ARID1B: variants seen among roughly 807,000 people sequenced by gnomAD.
ARID1B encodes the protein AT-rich interactive domain-containing protein 1B.
ARID1B carries 30 observed loss-of-function variants against 212.3 expected under a neutral mutation model. The observed-to-expected ratio is 0.14, with a 90% CI of 0.11 to 0.19. ARID1B has a LOEUF of 0.19. Among genes scored for constraint, ARID1B ranks in the 10% least tolerant of loss-of-function variants. The probability of loss-of-function intolerance (pLI) is 1.00; values close to 1 mark genes in which losing one functional copy is unlikely to be tolerated. For missense variants in ARID1B, 2,891 were observed against 3,204.0 expected, an observed-to-expected ratio of 0.90 and a Z score of 2.36; for synonymous variants, 1,402 against 1,301.7, an observed-to-expected ratio of 1.08 and a Z score of -1.66.
At chr6:157,196,575 A>G (rs112901886) in intron 16 of ARID1B, among the ~76,000 whole-genome samples, 19 of 152,268 alleles carry the variant, frequency 1.2e-4, no homozygotes, top group African/African-American at 4.6e-4. Flanking sequence ...CAGGGCCGCC[A>G]CAAGTCACGC....
In ARID1B at chr6:157,208,843, C is replaced by CA. The variant is rs1275652333; in HGVS notation, c.*959dup. On this transcript the variant is annotated 3_prime_UTR_variant, in exon 20 of 20. Coordinates refer to ENST00000636930, the MANE Select transcript of ARID1B (RefSeq NM_001374828.1). ...TATTTTTTCATTAGGGCCATATCTCCAAAAAAAGAAAGAAAAAATACAAAA... is the reference window on the plus strand; with the variant it reads ...TATTTTTTCATTAGGGCCATATCTCCAAAAAAAAGAAAGAAAAAATACAAAA... 4.4e-5 allele frequency: 9 copies of CA among 202,892 alleles called. No homozygotes were observed. The highest frequency in any genetic ancestry group is 2.1e-4 in the African/African-American group (8 of 38,376). The allele number at this position is 202,892 out of a possible 1,614,324, so 12.6% of individuals were successfully genotyped here. A position where few individuals can be genotyped will look rare whatever the true frequency, so the allele number is the denominator to read the frequency against.
rs1459916750 is a variant in ARID1B at position 157,210,553 on chromosome 6, A to G, written c.*2662A>G. ...CTTTCCATATTCTCACCCCCGAATC[A>G]AGATTTACAGAAGCCCACGAAGAAT... is the stretch of plus-strand genomic sequence containing the variant. On this transcript the variant is annotated 3_prime_UTR_variant, in exon 20 of 20. Coordinates refer to ENST00000636930, the MANE Select transcript of ARID1B (RefSeq NM_001374828.1). 8.6e-6 allele frequency: 2 copies of G among 232,586 alleles called. No homozygotes were observed. The highest frequency in any genetic ancestry group is 1.7e-5 in the Non-Finnish European group (2 of 117,734). The allele number at this position is 232,586 out of a possible 1,614,324, so 14.4% of individuals were successfully genotyped here.
At chr6:157,139,656 A>G (rs1240803395) in intron 7 of ARID1B, among the ~76,000 whole-genome samples, 7 of 151,814 alleles carry the variant, frequency 4.6e-5, no homozygotes, top group South Asian at 2.1e-4. Context: ...GCAGTTGACT[A>G]TTGGGTTGGG....
intron 11 of ARID1B, 21 bp downstream of exon 11, chr6:157,175,026 T>C: frequency 2.2e-6 from 3 of 1,359,800 alleles, no homozygotes; most frequent in Non-Finnish European, 2.9e-6. Context: ...CTGGTTTTTT[T>C]TTGTTTTTTT....
chr6:157,144,616 A>AG (rs768313350), intron 7 of ARID1B, among the ~76,000 whole-genome samples: 68 of 152,234 alleles, frequency 4.5e-4, no homozygotes, highest in Admixed American at 2.0e-3. Context: ...GAGGAGGAGG[A>AG]GGAGTCTGAA....
In ARID1B at chr6:157,123,248, CACA is replaced by C. The variant is rs140604167; in HGVS notation, c.2582-9779_2582-9777del. On this transcript the variant is annotated intron_variant, in intron 6 of 19. Transcript: ENST00000636930. ...TCCCCCCCGCCCCCCGCCCCCCCCCCACACACACACAAGCAAACTCTGGGGAAT... is the reference window on the plus strand; with the variant it reads ...TCCCCCCCGCCCCCCGCCCCCCCCCCCACACACAAGCAAACTCTGGGGAAT... Among the ~76,000 whole-genome samples, 484 of 100,252 alleles carry C rather than the reference CACA, an allele frequency of 4.8e-3. 9 individuals are homozygous for C. The East Asian group carries it at 0.069, about 14-fold the overall frequency. The allele number at this position is 100,252 out of a possible 152,430, so 65.8% of individuals were successfully genotyped here.
At chr6:156,788,085 G>A (rs964355335) in intron 1 of ARID1B, among the ~76,000 whole-genome samples, 2 of 152,034 alleles carry the variant, frequency 1.3e-5, no homozygotes, top group Non-Finnish European at 2.9e-5. Context: ...GGGTGTGGCT[G>A]ACTCAGGACA....
At chr6:157,093,179 A>C (rs182990265) in intron 5 of ARID1B, among the ~76,000 whole-genome samples, 1 of 152,254 alleles carries the variant, frequency 6.6e-6, no homozygotes, top group Non-Finnish European at 1.5e-5. Flanking sequence ...ACTTGAGTAC[A>C]TTTTGGAAAA....
chr6:156,934,915 T>TATATATAC (rs1792045639), intron 3 of ARID1B, among the ~76,000 whole-genome samples: 1 of 39,040 alleles, frequency 2.6e-5, no homozygotes, highest in Non-Finnish European at 5.1e-5. Flanking sequence ...TTGTTAATTA[T>TATATATAC]ATATATATAT....
chr6:157,093,829 T>C (rs1785437819), intron 5 of ARID1B, among the ~76,000 whole-genome samples: 1 of 152,256 alleles, frequency 6.6e-6, no homozygotes, highest in African/African-American at 2.4e-5. Flanking sequence ...ATCCTAATTG[T>C]TCCGTTTCCT....
intron 4 of ARID1B, among the ~76,000 whole-genome samples, chr6:156,998,003 C>T (rs986115806): frequency 6.6e-6 from 1 of 152,228 alleles, no homozygotes; most frequent in South Asian, 2.1e-4. Context: ...TCTATTTTAC[C>T]TCTTTCCGTT....
At chr6:157,161,944 A>G (rs2128280402) in intron 8 of ARID1B, among the ~76,000 whole-genome samples, 1 of 152,348 alleles carries the variant, frequency 6.6e-6, no homozygotes, top group African/African-American at 2.4e-5. Context: ...CGTGATGCTC[A>G]TTCCGAACAT....
At chr6:156,786,869 ACAT>A (rs1779670461) in intron 1 of ARID1B, among the ~76,000 whole-genome samples, 1 of 151,794 alleles carries the variant, frequency 6.6e-6, no homozygotes, top group Non-Finnish European at 1.5e-5. Flanking sequence ...GGTATTGCTG[ACAT>A]CATTGACTTA....
At position 157,053,524 on chromosome 6, in the gene ARID1B, A is replaced by G. The variant is rs553948477; in HGVS notation, c.2248-31138A>G. The stretch of plus-strand genomic sequence containing the variant: ...ATTAACTTTTCTACATCTTTTTAAT[A>G]CAAGTAGTTTATAATTTCAGCTTCC... On this transcript the variant is annotated intron_variant, in intron 4 of 19. Transcript: ENST00000636930. 6.6e-5 allele frequency among the ~76,000 whole-genome samples: 10 copies of G among 152,360 alleles called. 1 individual carries two copies. Among genetic ancestry groups the G allele is most frequent in the Non-Finnish European group, 1.2e-4 (8 of 68,040 alleles).
chr6:156,995,203 C>T (rs868345237), intron 4 of ARID1B, among the ~76,000 whole-genome samples: 8 of 152,182 alleles, frequency 5.3e-5, no homozygotes, highest in Non-Finnish European at 7.3e-5. Flanking sequence ...CCTGAGGTGA[C>T]GTACGAATGA....
intron 2 of ARID1B, among the ~76,000 whole-genome samples, chr6:156,880,717 G>A (rs1383700899): frequency 2.3e-5 from 3 of 129,036 alleles, no homozygotes; most frequent in South Asian, 2.4e-4. Context: ...TCCAGCCTGG[G>A]CCACGGAGCG....
intron 4 of ARID1B, among the ~76,000 whole-genome samples, chr6:157,039,618 C>G (rs1204727633): frequency 2.6e-5 from 3 of 114,036 alleles, no homozygotes; most frequent in African/African-American, 1.1e-4. Context: ...AGCTACCTAC[C>G]TTCCTTCCTT....
intron 2 of ARID1B, among the ~76,000 whole-genome samples, chr6:156,835,961 A>T (rs2128067549): frequency 6.6e-6 from 1 of 152,266 alleles, no homozygotes; most frequent in African/African-American, 2.4e-5. Context: ...GTTGGTCTCG[A>T]ACAAGTGTGT....
chr6:157,191,744 T>C (rs974408948), intron 15 of ARID1B, among the ~76,000 whole-genome samples: 2 of 152,212 alleles, frequency 1.3e-5, no homozygotes, highest in Non-Finnish European at 1.5e-5. Context: ...AATTGAAGCA[T>C]GATGTGTATA....
Sources: allele counts gnomAD v4.1 joint callset (sites outside exome capture counted in the v4.1 genomes callset), GRCh38; gene constraint gnomAD v4.1.1; transcripts MANE v1.5; gene names NCBI Gene and HGNC (gene_info 2026-07-23, HGNC 2026-07-21).